The following CNTNAP2 variants were observed in gnomAD, a reference collection of about 807,000 sequenced individuals.
The protein encoded by CNTNAP2 is contactin associated protein 2, also known as contactin-associated protein-like 2.
Under a neutral mutation model 155.2 loss-of-function variants are expected in CNTNAP2, and 98 were observed. The ratio of observed to expected loss-of-function variants is 0.63; its 90% CI spans 0.54 to 0.75. CNTNAP2 has a LOEUF of 0.75. Among genes scored for constraint, CNTNAP2 ranks in the 30% least tolerant of loss-of-function variants. The pLI is 0.00. For missense variants in CNTNAP2, 1,727 were observed against 1,688.1 expected (o/e 1.02, Z -0.40); for synonymous variants, 651 against 631.2 (o/e 1.03, Z -0.47).
rs572067832 is a variant in CNTNAP2 at position 147,580,754 on chromosome 7, T to G, written c.1897+18497T>G. 9.2e-5 allele frequency among the ~76,000 whole-genome samples: 14 copies of G among 152,210 alleles called. No homozygotes were observed. In the South Asian group the frequency reaches 2.9e-3, roughly 32 times the overall value. On this transcript the variant is annotated intron_variant, in intron 12 of 23. Transcript: ENST00000361727. ...CTTCAGCCTCCTGAGTAGCTAGGAC[T>G]ACAGGCATGTGCCACCGTGCCCAGC... is the stretch of plus-strand genomic sequence containing the variant.
chr7:146,618,592 CAAAG>C (rs1444169284), intron 1 of CNTNAP2, among the ~76,000 whole-genome samples: 1 of 152,000 alleles, frequency 6.6e-6, no homozygotes, highest in East Asian at 1.9e-4. Flanking sequence ...CCTAGGGTAA[CAAAG>C]AAACTCTGCA....
intron 1 of CNTNAP2, among the ~76,000 whole-genome samples, chr7:146,428,877 G>A (rs1034052795): frequency 6.6e-6 from 1 of 151,978 alleles, no homozygotes; most frequent in South Asian, 2.1e-4. Flanking sequence ...GACTGTTATA[G>A]TTTGGGGTCT....
intron 22 of CNTNAP2, among the ~76,000 whole-genome samples, chr7:148,406,673 G>A (rs1799710491): frequency 6.6e-6 from 1 of 152,228 alleles, no homozygotes; most frequent in Admixed American, 6.5e-5. Context: ...CCAGAGAAGA[G>A]TAATTATAAT....
intron 22 of CNTNAP2, among the ~76,000 whole-genome samples, chr7:148,408,171 C>T (rs1255983194): frequency 6.6e-6 from 1 of 152,136 alleles, no homozygotes; most frequent in Non-Finnish European, 1.5e-5. Flanking sequence ...CCTGAGCCTG[C>T]AAGGCAGCAG....
intron 3 of CNTNAP2, among the ~76,000 whole-genome samples, chr7:146,896,345 G>A (rs1235545953): frequency 6.6e-6 from 1 of 151,898 alleles, no homozygotes; most frequent in African/African-American, 2.4e-5. Context: ...CTTTTACTTG[G>A]GTGATGCCTA....
intron 8 of CNTNAP2, 84 bp from the exon 9 acceptor site, chr7:147,300,057 T>A: frequency 1.4e-6 from 2 of 1,424,526 alleles, no homozygotes; most frequent in Non-Finnish European, 9.9e-7. Context: ...CTTTTATTTG[T>A]AAAATCGTGA....
intron 1 of CNTNAP2, among the ~76,000 whole-genome samples, chr7:146,711,538 CT>C (rs1410516963): frequency 6.7e-6 from 1 of 149,088 alleles, no homozygotes; most frequent in Non-Finnish European, 1.5e-5. Flanking sequence ...TAACTATTTG[CT>C]TTTGAGTAGA....
At chr7:147,359,351 C>T (rs776950385) in intron 9 of CNTNAP2, among the ~76,000 whole-genome samples, 2 of 152,128 alleles carry the variant, frequency 1.3e-5, no homozygotes, top group African/African-American at 4.8e-5. Flanking sequence ...GCTGTCACCT[C>T]GCTTTACTGG....
At chr7:147,321,600 A>G (rs1795351915) in intron 9 of CNTNAP2, among the ~76,000 whole-genome samples, 1 of 152,126 alleles carries the variant, frequency 6.6e-6, no homozygotes, top group Admixed American at 6.5e-5. Context: ...TCTCTCCTGG[A>G]GACTTTGCTA....
intron 3 of CNTNAP2, among the ~76,000 whole-genome samples, chr7:146,883,543 A>G (rs994026283): frequency 6.6e-6 from 1 of 152,176 alleles, no homozygotes; most frequent in African/African-American, 2.4e-5. Flanking sequence ...TTAGCTTAGA[A>G]ATTTAGGACA....
At chr7:146,943,563 A>G (rs1011221278) in intron 3 of CNTNAP2, among the ~76,000 whole-genome samples, 1 of 152,240 alleles carries the variant, frequency 6.6e-6, no homozygotes, top group African/African-American at 2.4e-5. Flanking sequence ...GTATTTATCA[A>G]TACTCTAAGT....
chr7:147,361,115 AC>A (rs1796141346), intron 9 of CNTNAP2, among the ~76,000 whole-genome samples: 2 of 152,034 alleles, frequency 1.3e-5, no homozygotes, highest in Admixed American at 6.6e-5. Flanking sequence ...AATATAGAAA[AC>A]CAAAAAAGAT....
intron 10 of CNTNAP2, among the ~76,000 whole-genome samples, chr7:147,443,453 G>C (rs1234815790): frequency 3.9e-5 from 6 of 152,130 alleles, no homozygotes; most frequent in African/African-American, 1.4e-4. Context: ...GGCAAGTAAG[G>C]ACTATTTTTT....
chr7:148,241,528 T>C (rs927941229), intron 20 of CNTNAP2, among the ~76,000 whole-genome samples: 1 of 152,154 alleles, frequency 6.6e-6, no homozygotes, highest in Non-Finnish European at 1.5e-5. Flanking sequence ...GCTTGTGCTG[T>C]GGGAGCACAG....
intron 1 of CNTNAP2, among the ~76,000 whole-genome samples, chr7:146,483,906 G>A (rs562527896): frequency 2.7e-4 from 41 of 152,170 alleles, no homozygotes; most frequent in African/African-American, 9.2e-4. Context: ...ATTGTATAGT[G>A]TTTATAAAGT....
At chr7:148,194,659 G>A (rs1419249201) in intron 18 of CNTNAP2, among the ~76,000 whole-genome samples, 1 of 152,176 alleles carries the variant, frequency 6.6e-6, no homozygotes, top group Non-Finnish European at 1.5e-5. Context: ...GGGAGCCAGT[G>A]TGTAACCTCC....
chr7:147,625,112 G>T (rs1447340902), intron 12 of CNTNAP2, among the ~76,000 whole-genome samples: 4 of 152,122 alleles, frequency 2.6e-5, no homozygotes, highest in African/African-American at 9.7e-5. Context: ...GCTGGGAAGG[G>T]TAGTGAGGGG....
intron 1 of CNTNAP2, among the ~76,000 whole-genome samples, chr7:146,506,297 C>A (rs149298406): frequency 9.8e-5 from 15 of 152,328 alleles, no homozygotes; most frequent in African/African-American, 3.6e-4. Context: ...CCTACTGTCA[C>A]TTGTTGTGTA....
At chr7:147,868,583 G>A (rs983458024) in intron 13 of CNTNAP2, among the ~76,000 whole-genome samples, 2 of 152,246 alleles carry the variant, frequency 1.3e-5, no homozygotes, top group East Asian at 1.9e-4. Flanking sequence ...CAGAGGTGGA[G>A]TCTATAGAGG....
Sources: allele counts gnomAD v4.1 joint callset (sites outside exome capture counted in the v4.1 genomes callset), GRCh38; gene constraint gnomAD v4.1.1; transcripts MANE v1.5; gene names NCBI Gene and HGNC (gene_info 2026-07-23, HGNC 2026-07-21).